PLCL1: variants seen among roughly 807,000 people sequenced by gnomAD.
The protein encoded by PLCL1 is inactive phospholipase C-like protein 1.
A neutral mutation model predicts 84.4 loss-of-function variants in PLCL1; 41 were observed. The ratio of observed to expected loss-of-function variants is 0.49; its 90% CI spans 0.38 to 0.63. The LOEUF (loss-of-function observed/expected upper bound fraction) is 0.63, where lower values mean the gene tolerates loss of function less well. PLCL1 is among the 30% of genes least tolerant of loss of function. PLCL1 has a pLI of 0.00. For synonymous variants in PLCL1, 490 were observed against 488.3 expected (o/e 1.00, Z -0.05); for missense variants, 1,206 against 1,367.8 (o/e 0.88, Z 1.87).
intron 1 of PLCL1, among the ~76,000 whole-genome samples, chr2:197,899,346 G>C (rs1688217827): frequency 6.6e-6 from 1 of 151,772 alleles, no homozygotes; most frequent in African/African-American, 2.4e-5. Flanking sequence ...TTCACATCTA[G>C]GATGCTTTAG....
intron 5 of PLCL1, among the ~76,000 whole-genome samples, chr2:198,122,794 A>G (rs1388334621): frequency 1.3e-5 from 2 of 152,158 alleles, no homozygotes; most frequent in Admixed American, 1.3e-4. Context: ...AACAACAAAT[A>G]ATCACTTATA....
chr2:197,870,603 G>T (rs1386550157), intron 1 of PLCL1, among the ~76,000 whole-genome samples: 1 of 152,104 alleles, frequency 6.6e-6, no homozygotes, highest in Non-Finnish European at 1.5e-5. Flanking sequence ...TACCATATTT[G>T]TTAGCGGGAA....
At chr2:198,108,329 A>G (rs1693538813) in intron 5 of PLCL1, among the ~76,000 whole-genome samples, 1 of 151,894 alleles carries the variant, frequency 6.6e-6, no homozygotes, top group Admixed American at 6.6e-5. Context: ...TTAGACTAGT[A>G]TTCCCTACTA....
chr2:197,893,134 A>G (rs1688062503), intron 1 of PLCL1, among the ~76,000 whole-genome samples: 1 of 152,220 alleles, frequency 6.6e-6, no homozygotes, highest in Admixed American at 6.5e-5. Context: ...CCTTAATCAA[A>G]TTTCTTAATC....
At chr2:198,140,639 T>C (rs928526805) in intron 5 of PLCL1, among the ~76,000 whole-genome samples, 1 of 152,176 alleles carries the variant, frequency 6.6e-6, no homozygotes, top group African/African-American at 2.4e-5. Context: ...TTCATTATGT[T>C]GAATTTTAAC....
chr2:198,082,032 T>A (rs1436734824), intron 1 of PLCL1, among the ~76,000 whole-genome samples: 1 of 152,208 alleles, frequency 6.6e-6, no homozygotes, highest in Non-Finnish European at 1.5e-5. Flanking sequence ...AATTAACTTC[T>A]ATATAACACC....
At chr2:197,869,138 C>T (rs1687601095) in intron 1 of PLCL1, among the ~76,000 whole-genome samples, 1 of 152,096 alleles carries the variant, frequency 6.6e-6, no homozygotes, top group African/African-American at 2.4e-5. Flanking sequence ...AATTAGAGAA[C>T]AACTTAGGCT....
intron 5 of PLCL1, among the ~76,000 whole-genome samples, chr2:198,138,804 A>C (rs1694316790): frequency 6.6e-6 from 1 of 152,214 alleles, no homozygotes; most frequent in Admixed American, 6.5e-5. Flanking sequence ...TGGGCCCCAC[A>C]AAGTATCAGC....
chr2:198,068,786 C>A (rs1423038576), intron 1 of PLCL1, among the ~76,000 whole-genome samples: 2 of 152,166 alleles, frequency 1.3e-5, no homozygotes, highest in Admixed American at 1.3e-4. Flanking sequence ...CTTTGGGAGG[C>A]CGAGGTGGAC....
In PLCL1 at chr2:198,088,908, T is replaced by C. The variant is rs1248257024; in HGVS notation, c.2766T>C (p.Ser922=). 1 of 1,613,146 alleles carries C rather than the reference T, an allele frequency of 6.2e-7. No homozygotes were observed. Among genetic ancestry groups the C allele is most frequent in the Admixed American group, 1.7e-5 (1 of 60,006 alleles). The change falls in exon 3 of 6, where the codon AGT becomes AGC. Residue 922 remains serine, a synonymous_variant. Coordinates refer to ENST00000428675, the MANE Select transcript of PLCL1 (RefSeq NM_006226.4). ...KELCGLPPIA[S]LKQCLLTLSS... is the part of the protein sequence containing the mutation. ...TATGTGGACTCCCTCCAATTGCCAGTCTGAAGCAGTGCCTGTTAACTCTGT... is the reference window on the plus strand; with the variant it reads ...TATGTGGACTCCCTCCAATTGCCAGCCTGAAGCAGTGCCTGTTAACTCTGT...
intron 1 of PLCL1, among the ~76,000 whole-genome samples, chr2:198,065,608 G>A (rs1015355662): frequency 6.6e-6 from 1 of 152,166 alleles, no homozygotes; most frequent in Non-Finnish European, 1.5e-5. Flanking sequence ...AAGTGCCTGT[G>A]AATGTTTGCT....
intron 1 of PLCL1, among the ~76,000 whole-genome samples, chr2:197,904,666 T>C (rs1384039965): frequency 6.6e-6 from 1 of 152,144 alleles, no homozygotes; most frequent in Non-Finnish European, 1.5e-5. Context: ...CCCACCCCAC[T>C]TCCTGAGGAA....
chr2:197,974,908 G>A lies in PLCL1; in HGVS notation c.241-108850G>A, dbSNP rs184750395. Among the ~76,000 whole-genome samples, 43 of 152,126 alleles carry A rather than the reference G, an allele frequency of 2.8e-4. 1 individual carries two copies. Among genetic ancestry groups the A allele is most frequent in the Admixed American group, 2.4e-3 (36 of 15,282 alleles). On this transcript the variant is annotated intron_variant, in intron 1 of 5. Coordinates refer to ENST00000428675, the MANE Select transcript of PLCL1 (RefSeq NM_006226.4). ...TGTAATCCCAGCACTTTGGGAGGCC[G>A]AGGCGGGTGGATCATGAGGTCAGGA... is the stretch of plus-strand genomic sequence containing the variant.
intron 1 of PLCL1, among the ~76,000 whole-genome samples, chr2:197,908,185 G>C (rs561653430): frequency 6.6e-6 from 1 of 152,174 alleles, no homozygotes; most frequent in Non-Finnish European, 1.5e-5. Context: ...TAAGGATTTA[G>C]TTTTGAACGA....
intron 1 of PLCL1, among the ~76,000 whole-genome samples, chr2:197,901,515 G>A (rs1439399350): frequency 6.6e-6 from 1 of 152,168 alleles, no homozygotes; most frequent in African/African-American, 2.4e-5. Context: ...CATGAGCAGA[G>A]GCATAGAGAT....
At chr2:197,808,129 T>C (rs1384085590) in intron 1 of PLCL1, among the ~76,000 whole-genome samples, 1 of 152,226 alleles carries the variant, frequency 6.6e-6, no homozygotes, top group East Asian at 1.9e-4. Context: ...AGAATTAAAC[T>C]AAGTTTTTTT....
intron 1 of PLCL1, among the ~76,000 whole-genome samples, chr2:197,809,652 G>A (rs1690543694): frequency 6.6e-6 from 1 of 152,036 alleles, no homozygotes; most frequent in Admixed American, 6.6e-5. Flanking sequence ...TTTTACCCCA[G>A]GCCCACTTTC....
chr2:197,989,390 T>A (rs1335216405), intron 1 of PLCL1, among the ~76,000 whole-genome samples: 1 of 152,118 alleles, frequency 6.6e-6, no homozygotes, highest in Non-Finnish European at 1.5e-5. Context: ...CTAGCTTGAC[T>A]TTCTGAGGGA....
chr2:198,052,158 C>T (rs958294572), intron 1 of PLCL1, among the ~76,000 whole-genome samples: 2 of 152,204 alleles, frequency 1.3e-5, no homozygotes, highest in Admixed American at 6.5e-5. Flanking sequence ...GTGATCCACC[C>T]GCCTTGGCCT....
Sources: allele counts gnomAD v4.1 joint callset (sites outside exome capture counted in the v4.1 genomes callset), GRCh38; gene constraint gnomAD v4.1.1; transcripts MANE v1.5; gene names NCBI Gene and HGNC (gene_info 2026-07-23, HGNC 2026-07-21).